Variants in RCCD1 observed in about 807,000 individuals in gnomAD.
The protein encoded by RCCD1 is RCC1 domain containing 1.
RCCD1 carries 40 observed loss-of-function variants against 37.6 expected under a neutral mutation model. The ratio of observed to expected loss-of-function variants is 1.06; its 90% confidence interval spans 0.83 to 1.39. The LOEUF (loss-of-function observed/expected upper bound fraction) is 1.39, where lower values mean the gene tolerates loss of function less well. Among genes scored for constraint, RCCD1 ranks in the 40% most tolerant of loss-of-function variants. The pLI is 0.00. For missense variants in RCCD1, 577 were observed against 517.3 expected, an observed-to-expected ratio of 1.12 and a Z score of -1.12; for synonymous variants, 263 against 230.0, an observed-to-expected ratio of 1.14 and a Z score of -1.30.
At chr15:90,958,394 C>T (rs977003550) in intron 4 of RCCD1, among the ~76,000 whole-genome samples, 32 of 152,048 alleles carry the variant, frequency 2.1e-4, no homozygotes, top group African/African-American at 6.8e-4. Context: ...TTTGGGAGGC[C>T]GAGGTGAGTG....
At chr15:90,956,450 C>T (rs913364275) in intron 1 of RCCD1, among the ~76,000 whole-genome samples, 162 bp from the exon 2 acceptor site, 1 of 152,194 alleles carries the variant, frequency 6.6e-6, no homozygotes, top group African/African-American at 2.4e-5. Context: ...CTTTGTGGCA[C>T]GCTGAGCTTG....
intron 1 of RCCD1, among the ~76,000 whole-genome samples, chr15:90,956,305 G>C (rs190642309): frequency 7.6e-4 from 116 of 152,296 alleles, no homozygotes; most frequent in Non-Finnish European, 1.3e-3. Flanking sequence ...AATCTCCTCT[G>C]TAAAACGACC....
rs1404605482 is a variant in RCCD1, at chr15:90,960,352, C to G, written c.803C>G (p.Ser268Cys). 13 of 1,611,254 alleles carry G rather than the reference C, an allele frequency of 8.1e-6. No homozygotes were observed. The highest frequency in any genetic ancestry group is 1.1e-5 in the Non-Finnish European group (13 of 1,178,770). ...GCCACAGAACTGAATGAAGATGGTT[C>G]TCAGGTGAAGAGAACGGGTGGGGCT... ...REATELNEDG[S>C]QVKRTGGAED... The change falls in exon 6 of 8, where the codon TCT becomes TGT. Residue 268 changes from serine to cysteine, a missense_variant. By Grantham distance (112) the Ser-to-Cys change is moderately radical (BLOSUM62 -1). Transcript: ENST00000394258.
In RCCD1 at chr15:90,957,428, G is replaced by T. The variant is rs777746830; in HGVS notation, c.482G>T (p.Arg161Leu). The T allele has an allele frequency of 3.9e-6, 6 of 1,538,802 alleles. No individual in the cohort carries two copies. Among genetic ancestry groups the T allele is most frequent in the Non-Finnish European group, 5.2e-6 (6 of 1,145,548 alleles). Residue 161 changes from arginine (R) to leucine (L), a missense_variant, in exon 3 of 8, where the codon CGC becomes CTC. By Grantham distance (102) the Arg-to-Leu change is moderately radical. Coordinates refer to ENST00000394258, the MANE Select transcript of RCCD1 (RefSeq NM_001017919.2). ...YRPLAPELRARQLELGAEHAL... is the reference protein window; with the variant it reads ...YRPLAPELRALQLELGAEHAL... ...CCTCTGGCTCCGGAGCTGCGGGCAC[G>T]CCAGCTGGAGCTGGGCGCCGAGCAC...
Position 90,957,382 on chromosome 15 carries a change from C to T in RCCD1, c.436C>T (p.Pro146Ser). The part of the protein sequence containing the change: ...LLPCARAYVS[P>S]RAPFYRPLAP... Reference sequence around the variant, plus strand: ...GCCCTGCGCCCGTGCCTACGTGAGCCCGCGGGCGCCCTTCTACCGGCCTCT... The same window carrying T: ...GCCCTGCGCCCGTGCCTACGTGAGCTCGCGGGCGCCCTTCTACCGGCCTCT... The change falls in exon 3 of 8, where the codon CCG (proline) becomes TCG (serine). Residue 146 changes from proline (P) to serine (S), a missense_variant. Pro to Ser is a moderately conservative substitution (Grantham distance 74). Transcript: ENST00000394258. 1.3e-6 allele frequency: 2 copies of T among 1,544,098 alleles called. No homozygotes were observed. The highest frequency in any genetic ancestry group is 8.7e-7 in the Non-Finnish European group (1 of 1,145,974).
chr15:90,955,390 C>T (rs989046714), intron 1 of RCCD1: 2 of 152,306 alleles, frequency 1.3e-5, no homozygotes, highest in Non-Finnish European at 1.5e-5. Context: ...TCGGCGTTTC[C>T]TCCAAGGCTG....
chr15:90,960,541 C>A lies in RCCD1; in HGVS notation c.949+43C>A, dbSNP rs372822527. 4.5e-6 allele frequency: 7 copies of A among 1,568,628 alleles called. No individual in the cohort carries two copies. The African/African-American group carries it at 8.1e-5, about 18-fold the overall frequency. On this transcript the variant is annotated intron_variant, in intron 6 of 7. Coordinates refer to ENST00000394258, the MANE Select transcript of RCCD1 (RefSeq NM_001017919.2). ...GCACTCTGCTCCACTCGAGCTGGTG[C>A]CTACGGAAGGGGGTGTGGTCGACGG... is the stretch of plus-strand genomic sequence containing the variant.
At chr15:90,957,845 A>G (rs2037234557) in intron 4 of RCCD1, 120 bp downstream of exon 4, 2 of 1,362,608 alleles carry the variant, frequency 1.5e-6, no homozygotes, top group South Asian at 1.4e-5. Context: ...TCCATCGCCC[A>G]GTCAGTTATG....
chr15:90,958,486 G>A (rs1173389689), intron 4 of RCCD1, among the ~76,000 whole-genome samples: 1 of 152,032 alleles, frequency 6.6e-6, no homozygotes, highest in Non-Finnish European at 1.5e-5. Context: ...AAATTAGCTG[G>A]GTGCAGTGGT....
intron 1 of RCCD1, among the ~76,000 whole-genome samples, chr15:90,956,401 C>T (rs909586405): frequency 3.3e-5 from 5 of 152,190 alleles, no homozygotes; most frequent in Non-Finnish European, 7.3e-5. Flanking sequence ...GCGCTCGGAT[C>T]CTAGTCCAAT....
chr15:90,956,851 CG>C lies in RCCD1; in HGVS notation c.118del (p.Asp40ThrfsTer5). 7.7e-7 allele frequency: 1 copy of C among 1,293,010 alleles called. No individual in the cohort carries two copies. Among genetic ancestry groups the C allele is most frequent in the East Asian group, 2.9e-5 (1 of 34,106 alleles). 80.1% of individuals were successfully genotyped at this position (1,293,010 alleles called of 1,614,324 possible). On this transcript the variant is annotated frameshift_variant, in exon 2 of 8. Transcript: ENST00000394258. LOFTEE classifies it high-confidence loss of function. Reference protein sequence around the residue: ...HSPSPLRAGVDICRVSASWSY... With the variant: ...HSPSPLRAGVXICRVSASWSY... ...GCCCCAGTCCGCTGCGGGCGGGCGTCGACATCTGCCGCGTGAGCGCGAGCTG... is the reference window on the plus strand; with the variant it reads ...GCCCCAGTCCGCTGCGGGCGGGCGTCACATCTGCCGCGTGAGCGCGAGCTG...
At chr15:90,959,859 G>A (rs1245548897) in intron 4 of RCCD1, 41 bp from the exon 5 acceptor site, 2 of 1,455,478 alleles carry the variant, frequency 1.4e-6, no homozygotes, top group Non-Finnish European at 1.9e-6. Flanking sequence ...GGATGCAGGG[G>A]CTTCACAGTC....
Position 90,961,880 on chromosome 15 carries a change from G to A in RCCD1, c.*111G>A, listed in dbSNP as rs1002980751. 6 of 1,091,808 alleles carry A rather than the reference G, an allele frequency of 5.5e-6. No homozygotes were observed. In the African/African-American group the frequency reaches 9.5e-5, roughly 17 times the overall value. 67.6% of individuals were successfully genotyped at this position (1,091,808 alleles called of 1,614,324 possible). On this transcript the variant is annotated 3_prime_UTR_variant, in exon 8 of 8. Transcript: ENST00000394258. ...ATTTGCCCCTCCCCATCACAGTCCT[G>A]CCCTTCACCCTCAAGCACGGTCCTA...
chr15:90,957,722 A>T lies in RCCD1; in HGVS notation c.676A>T (p.Ser226Cys), dbSNP rs774413242. Residue 226 changes from serine (S) to cysteine (C), a missense_variant, in exon 4 of 8, where the codon AGT becomes TGT. By Grantham distance (112) the Ser-to-Cys change is moderately radical. Coordinates refer to ENST00000394258, the MANE Select transcript of RCCD1 (RefSeq NM_001017919.2). ...AAGGWHSVCV[S>C]ETGDIYIWGW... is the part of the protein sequence containing the mutation. ...GGGGGGCTGGCATTCTGTGTGTGTG[A>T]GTGGTGAGTGACTTAGTGCTTCTCC... 8.7e-6 allele frequency: 14 copies of T among 1,604,640 alleles called. No homozygotes were observed. The African/African-American group carries it at 1.5e-4, about 17-fold the overall frequency.
intron 4 of RCCD1, among the ~76,000 whole-genome samples, chr15:90,959,119 C>T (rs561291717): frequency 3.3e-5 from 5 of 152,172 alleles, no homozygotes; most frequent in East Asian, 3.9e-4. Context: ...GATCATTGCT[C>T]GGGCCCTGGG....
rs1345174302 is a variant in RCCD1, at chr15:90,959,971, G to A, written c.751G>A (p.Glu251Lys). Reference protein sequence around the residue: ...QLALPTRNLAEDGETVAREAT... With the variant: ...QLALPTRNLAKDGETVAREAT... Reference sequence around the variant, plus strand: ...GGCCCTGCCCACCAGGAACCTGGCAGAGGATGGAGAGACTGTCGCAAGGGA... The same window carrying A: ...GGCCCTGCCCACCAGGAACCTGGCAAAGGATGGAGAGACTGTCGCAAGGGA... The change falls in exon 5 of 8, where the codon GAG becomes AAG. Residue 251 changes from glutamate (E) to lysine (K), a missense_variant. By Grantham distance (56) the Glu-to-Lys change is moderately conservative (BLOSUM62 1). Coordinates refer to ENST00000394258, the MANE Select transcript of RCCD1 (RefSeq NM_001017919.2). 6 of 1,613,564 alleles carry A rather than the reference G, an allele frequency of 3.7e-6. No homozygotes were observed. The highest frequency in any genetic ancestry group is 1.1e-5 in the South Asian group (1 of 91,020).
chr15:90,959,674 G>C, intron 4 of RCCD1: 1 of 382,376 alleles, frequency 2.6e-6, no homozygotes, highest in Non-Finnish European at 4.7e-6. Context: ...CATAAGAATG[G>C]AAGTAGAAGG....
Position 90,957,494 on chromosome 15 carries a change from G to T in RCCD1, c.548G>T (p.Gly183Val). ...LDAAGQVFSW[G>V]GGRHGQLGHG... ...GCTGCTGGCCAGGTGTTCTCCTGGG[G>T]CGGGGGCAGGTGAGCGGAGGCGGGG... The change falls in exon 3 of 8, where the codon GGC (glycine) becomes GTC (valine). Residue 183 changes from glycine (G) to valine (V), a missense_variant. Physicochemically the swap from Gly to Val is moderately radical, Grantham distance 109. Transcript: ENST00000394258. 3 of 1,558,024 alleles carry T rather than the reference G, an allele frequency of 1.9e-6. No homozygotes were observed. Among genetic ancestry groups the T allele is most frequent in the Non-Finnish European group, 2.6e-6 (3 of 1,154,904 alleles).
chr15:90,957,150 C>G lies in RCCD1; in HGVS notation c.204C>G (p.Gly68=). 7.3e-7 allele frequency: 1 copy of G among 1,362,102 alleles called. No homozygotes were observed. Among genetic ancestry groups the G allele is most frequent in the Non-Finnish European group, 9.4e-7 (1 of 1,064,122 alleles). 84.4% of individuals were successfully genotyped at this position (1,362,102 alleles called of 1,614,324 possible). A position where few individuals can be genotyped will look rare whatever the true frequency, so the allele number is the denominator to read the frequency against. ...TGGAGCTGTCGGGCTCAGCCAGCGG[C>G]GCGGCGGGCCGCTGCAAGGACGCGT... is the stretch of plus-strand genomic sequence containing the variant. The part of the protein sequence containing the change: ...GRLELSGSAS[G]AAGRCKDAWA... Residue 68 remains glycine, a synonymous_variant, in exon 3 of 8, where the codon GGC becomes GGG. Transcript: ENST00000394258.
Sources: gnomAD v4.1 joint callset for allele counts (sites outside exome capture counted in the v4.1 genomes callset) on GRCh38, gnomAD v4.1.1 for gene constraint, MANE v1.5 for transcripts, NCBI Gene and HGNC (gene_info 2026-07-23, HGNC 2026-07-21) for gene names.